OTOGL: variants seen among roughly 807,000 people sequenced by gnomAD.
OTOGL encodes the protein otogelin-like protein.
OTOGL carries 285 observed loss-of-function variants against 318.5 expected under a neutral mutation model. That is an observed-to-expected ratio of 0.89 (90% CI 0.81 to 0.99). The LOEUF (loss-of-function observed/expected upper bound fraction) is 0.99. Ranked by LOEUF, OTOGL falls within the 50% of genes least tolerant of loss-of-function variation. The pLI is 0.00. For synonymous variants in OTOGL, 987 were observed against 936.5 expected (o/e 1.05, Z -0.99); for missense variants, 2,899 against 2,845.6 (o/e 1.02, Z -0.43).
rs562249490 is a variant in OTOGL, at chr12:80,147,513, G to A, written c.-20+47908G>A. On this transcript the variant is annotated intron_variant, in intron 1 of 58. Transcript: ENST00000547103. The stretch of plus-strand genomic sequence containing the variant: ...TTTGGAATAGGTGTGGTGTGGTGCT[G>A]AAAAAAATGTATATTCTGGTGATTT... 3.3e-5 allele frequency among the ~76,000 whole-genome samples: 5 copies of A among 151,416 alleles called. No individual in the cohort carries two copies. The South Asian group carries it at 8.3e-4, about 25-fold the overall frequency.
At chr12:80,209,800 C>T (rs1877106452) in intron 2 of OTOGL, among the ~76,000 whole-genome samples, 1 of 151,860 alleles carries the variant, frequency 6.6e-6, no homozygotes, top group African/African-American at 2.4e-5. Flanking sequence ...TTTTAAATGA[C>T]TGGTTAAAAA....
chr12:80,184,013 C>T (rs74108542), intron 1 of OTOGL, among the ~76,000 whole-genome samples: 2,500 of 152,268 alleles, frequency 0.016, 57 homozygotes, highest in African/African-American at 0.057. Flanking sequence ...AGTGTTCTCT[C>T]TTCAAATAGG....
At position 80,108,896 on chromosome 12, in the gene OTOGL, A is replaced by G. The variant is rs199504888; in HGVS notation, c.-20+9291A>G. 1.2e-4 allele frequency among the ~76,000 whole-genome samples: 16 copies of G among 133,408 alleles called. No individual in the cohort carries two copies. The East Asian group carries it at 2.8e-3, about 24-fold the overall frequency. 87.5% of individuals were successfully genotyped at this position (133,408 alleles called of 152,430 possible). ...TGTATATATGTGTATATATATGTGT[A>G]TATATATGTGTATATATATGTGTAT... On this transcript the variant is annotated intron_variant, in intron 1 of 58. Coordinates refer to ENST00000547103, the MANE Select transcript of OTOGL (RefSeq NM_001378609.3).
At chr12:80,194,805 A>G (rs990516329) in intron 1 of OTOGL, among the ~76,000 whole-genome samples, 1 of 152,162 alleles carries the variant, frequency 6.6e-6, no homozygotes, top group Admixed American at 6.5e-5. Context: ...TTGTTTTCCT[A>G]TTAGAAATCA....
chr12:80,220,904 G>C (rs1878259841), intron 6 of OTOGL, among the ~76,000 whole-genome samples: 1 of 152,060 alleles, frequency 6.6e-6, no homozygotes, highest in Non-Finnish European at 1.5e-5. Context: ...ATACTGTCAG[G>C]GAAGACTGCC....
rs759044847 is a variant in OTOGL at position 80,356,959 on chromosome 12, A to AG, written c.6019+47dup. 27 of 1,212,870 alleles carry AG rather than the reference A, an allele frequency of 2.2e-5. No individual in the cohort carries two copies. In the Admixed American group the frequency reaches 8.4e-4, roughly 38 times the overall value. 75.1% of individuals were successfully genotyped at this position (1,212,870 alleles called of 1,614,324 possible). On this transcript the variant is annotated intron_variant, in intron 49 of 58. Transcript: ENST00000547103. ...TTTCTTGGAAGAAGAGAAAGGATCTAGGAAAAAAATCTCTTATTTGATGTG... is the reference window on the plus strand; with the variant it reads ...TTTCTTGGAAGAAGAGAAAGGATCTAGGGAAAAAAATCTCTTATTTGATGTG...
chr12:80,205,921 C>T (rs1430413454), intron 1 of OTOGL, among the ~76,000 whole-genome samples: 1 of 152,084 alleles, frequency 6.6e-6, no homozygotes, highest in East Asian at 1.9e-4. Flanking sequence ...CCATTCTTGC[C>T]AGTTGTTTTA....
At chr12:80,153,187 G>A (rs76761313) in intron 1 of OTOGL, among the ~76,000 whole-genome samples, 1,994 of 152,256 alleles carry the variant, frequency 0.013, 27 homozygotes, top group Non-Finnish European at 0.017. Context: ...TGGAAGTTGG[G>A]AAGTTCAAGA....
intron 38 of OTOGL, among the ~76,000 whole-genome samples, chr12:80,333,871 T>C (rs963122564): frequency 5.3e-5 from 8 of 152,078 alleles, no homozygotes; most frequent in Admixed American, 4.6e-4. Flanking sequence ...GCAAAGGCCT[T>C]GAGGCAAGAA....
At position 80,159,239 on chromosome 12, in the gene OTOGL, A is replaced by G. The variant is rs548284571; in HGVS notation, c.-19-50174A>G. Among the ~76,000 whole-genome samples, 14 of 152,136 alleles carry G rather than the reference A, an allele frequency of 9.2e-5. No individual in the cohort carries two copies. In the East Asian group the frequency reaches 2.7e-3, roughly 29 times the overall value. ...TGCTGTTGGATTCAGTTAGCCTAGT[A>G]TTTTGTTAAGGATTTTTACATCTAT... On this transcript the variant is annotated intron_variant, in intron 1 of 58. Coordinates refer to ENST00000547103, the MANE Select transcript of OTOGL (RefSeq NM_001378609.3).
chr12:80,324,592 T>C (rs1291693325), intron 35 of OTOGL, among the ~76,000 whole-genome samples: 1 of 152,174 alleles, frequency 6.6e-6, no homozygotes, highest in Admixed American at 6.5e-5. Flanking sequence ...TTAAAAGGTG[T>C]ACTTTGCCTG....
At position 80,125,646 on chromosome 12, in the gene OTOGL, C is replaced by T. The variant is rs538615387; in HGVS notation, c.-20+26041C>T. ...TCCTCCTTGTACCTCTGGTAGAATT[C>T]GGCTGTGAATCCATCTGGTCCTGGA... On this transcript the variant is annotated intron_variant, in intron 1 of 58. Coordinates refer to ENST00000547103, the MANE Select transcript of OTOGL (RefSeq NM_001378609.3). Among the ~76,000 whole-genome samples the T allele has an allele frequency of 3.3e-3, 503 of 152,224 alleles. 3 individuals carry two copies. Among genetic ancestry groups the T allele is most frequent in the African/African-American group, 0.011 (453 of 41,526 alleles).
chr12:80,169,101 G>A (rs1285359194), intron 1 of OTOGL, among the ~76,000 whole-genome samples: 1 of 152,174 alleles, frequency 6.6e-6, no homozygotes, highest in East Asian at 1.9e-4. Flanking sequence ...GTTTCTAACA[G>A]TGTACAGTGT....
intron 44 of OTOGL, chr12:80,343,810 TC>T (rs1201445746): frequency 6.6e-6 from 1 of 152,172 alleles, no homozygotes; most frequent in East Asian, 1.9e-4. Context: ...TGAATATTTT[TC>T]ATCCGTGGTT....
At chr12:80,289,667 A>G (rs1182788291) in intron 26 of OTOGL, among the ~76,000 whole-genome samples, 2 of 152,202 alleles carry the variant, frequency 1.3e-5, no homozygotes, top group African/African-American at 4.8e-5. Context: ...CGCCCAGTCC[A>G]AACTTCCCAG....
intron 1 of OTOGL, among the ~76,000 whole-genome samples, chr12:80,172,486 G>A (rs60640642): frequency 0.058 from 8,827 of 152,188 alleles, 846 homozygotes; most frequent in African/African-American, 0.2. Flanking sequence ...TCTTCTCATA[G>A]GTTGGTTCTG....
chr12:80,180,750 C>T (rs1378956499), intron 1 of OTOGL, among the ~76,000 whole-genome samples: 1 of 152,034 alleles, frequency 6.6e-6, no homozygotes, highest in Non-Finnish European at 1.5e-5. Context: ...GATGGAGTGG[C>T]CCTGACAGTG....
At chr12:80,147,898 C>T (rs1489373548) in intron 1 of OTOGL, among the ~76,000 whole-genome samples, 5 of 151,982 alleles carry the variant, frequency 3.3e-5, no homozygotes, top group Middle Eastern at 3.4e-3. Context: ...TTTTGTTCTC[C>T]ATTTGCTTGG....
intron 1 of OTOGL, among the ~76,000 whole-genome samples, chr12:80,168,886 G>T (rs1874005595): frequency 6.6e-6 from 1 of 152,048 alleles, no homozygotes; most frequent in African/African-American, 2.4e-5. Context: ...TGTTAATTAG[G>T]GTTCTGTAAT....
Sources: gnomAD v4.1 joint callset for allele counts (sites outside exome capture counted in the v4.1 genomes callset) on GRCh38, gnomAD v4.1.1 for gene constraint, MANE v1.5 for transcripts, NCBI Gene and HGNC (gene_info 2026-07-23, HGNC 2026-07-21) for gene names.